Variants in CPPED1 observed in about 807,000 individuals in gnomAD.
CPPED1 encodes the protein serine/threonine-protein phosphatase CPPED1.
In CPPED1, 28 loss-of-function variants were observed where a neutral mutation model predicts 28.0. The observed-to-expected ratio is 1.00, with a 90% CI of 0.74 to 1.37. The LOEUF (loss-of-function observed/expected upper bound fraction) is 1.37. Among genes scored for constraint, CPPED1 ranks in the 40% most tolerant of loss-of-function variants. The pLI is 0.00. For missense variants in CPPED1, 504 were observed against 416.5 expected (o/e 1.21, Z -1.83); for synonymous variants, 198 against 180.2 (o/e 1.10, Z -0.79).
At chr16:12,757,008 G>T (rs923262764) in intron 2 of CPPED1, among the ~76,000 whole-genome samples, 7 of 150,328 alleles carry the variant, frequency 4.7e-5, no homozygotes. Context: ...TAGAATCAGG[G>T]TAAGTAAGGT....
chr16:12,666,465 C>T (rs969083845), intron 3 of CPPED1, among the ~76,000 whole-genome samples: 10 of 152,308 alleles, frequency 6.6e-5, no homozygotes, highest in African/African-American at 1.9e-4. Context: ...GGCTGAAGAA[C>T]GCTGCTGCTG....
chr16:12,734,418 C>T (rs998384629), intron 2 of CPPED1, among the ~76,000 whole-genome samples: 5 of 151,406 alleles, frequency 3.3e-5, no homozygotes, highest in South Asian at 2.1e-4. Flanking sequence ...TCGCTCTTGT[C>T]GCCCAGGCTG....
intron 3 of CPPED1, among the ~76,000 whole-genome samples, chr16:12,672,097 C>T (rs988394641): frequency 1.3e-5 from 2 of 152,210 alleles, no homozygotes; most frequent in Admixed American, 6.5e-5. Flanking sequence ...GTAGACTACA[C>T]CATCTAGGTT....
At chr16:12,668,978 T>C (rs1404248182) in intron 3 of CPPED1, among the ~76,000 whole-genome samples, 1 of 152,256 alleles carries the variant, frequency 6.6e-6, no homozygotes, top group Non-Finnish European at 1.5e-5. Flanking sequence ...CACTCCTAAG[T>C]ATGTATCTAG....
At chr16:12,757,388 T>G (rs2080377564) in intron 2 of CPPED1, 1 of 152,148 alleles carries the variant, frequency 6.6e-6, no homozygotes, top group South Asian at 2.1e-4. Flanking sequence ...AGGGTTTGCC[T>G]ACCAGAACTG....
At chr16:12,748,489 C>A (rs2080305654) in intron 2 of CPPED1, among the ~76,000 whole-genome samples, 1 of 152,144 alleles carries the variant, frequency 6.6e-6, no homozygotes, top group African/African-American at 2.4e-5. Flanking sequence ...AGATTCAGTT[C>A]CAGGCCACGA....
intron 3 of CPPED1, among the ~76,000 whole-genome samples, chr16:12,693,305 G>A (rs2079973000): frequency 6.6e-6 from 1 of 152,090 alleles, no homozygotes; most frequent in Non-Finnish European, 1.5e-5. Flanking sequence ...AGGCTCAGGC[G>A]ATCCTCCCAC....
At chr16:12,754,571 T>C (rs1404295569) in intron 2 of CPPED1, among the ~76,000 whole-genome samples, 1 of 152,242 alleles carries the variant, frequency 6.6e-6, no homozygotes, top group East Asian at 1.9e-4. Flanking sequence ...AGAGTCCCTC[T>C]AAGGTCCTCC....
chr16:12,717,047 G>A (rs760320062), intron 2 of CPPED1, among the ~76,000 whole-genome samples: 5 of 152,272 alleles, frequency 3.3e-5, no homozygotes, highest in Non-Finnish European at 5.9e-5. Context: ...CTGAACAGGG[G>A]GAAAGAAGGT....
intron 3 of CPPED1, among the ~76,000 whole-genome samples, chr16:12,692,975 C>G (rs143537205): frequency 1.3e-5 from 2 of 152,338 alleles, no homozygotes; most frequent in African/African-American, 4.8e-5. Context: ...GGACTTCCAA[C>G]TGCACACAGC....
chr16:12,671,565 G>A (rs1270759456), intron 3 of CPPED1, among the ~76,000 whole-genome samples: 2 of 152,218 alleles, frequency 1.3e-5, no homozygotes, highest in African/African-American at 2.4e-5. Flanking sequence ...AGATTCACCT[G>A]TGGGCAGGTG....
chr16:12,669,087 A>G (rs2079840806), intron 3 of CPPED1, among the ~76,000 whole-genome samples: 2 of 152,262 alleles, frequency 1.3e-5, no homozygotes, highest in African/African-American at 2.4e-5. Context: ...CTAAATGTCC[A>G]TCAGTTGATG....
At chr16:12,763,329 C>G (rs2080420972) in intron 2 of CPPED1, among the ~76,000 whole-genome samples, 1 of 152,024 alleles carries the variant, frequency 6.6e-6, no homozygotes, top group African/African-American at 2.4e-5. Context: ...CCTCAGCCTC[C>G]CAAAGTGCTG....
At chr16:12,774,110 C>A (rs1262015979) in intron 2 of CPPED1, among the ~76,000 whole-genome samples, 2 of 152,126 alleles carry the variant, frequency 1.3e-5, no homozygotes, top group Admixed American at 1.3e-4. Flanking sequence ...ACATCAGAAG[C>A]AGTTGAGGGA....
At chr16:12,679,585 A>T (rs2079894855) in intron 3 of CPPED1, among the ~76,000 whole-genome samples, 1 of 152,240 alleles carries the variant, frequency 6.6e-6, no homozygotes, top group Non-Finnish European at 1.5e-5. Flanking sequence ...TTTCACAAAA[A>T]TGGAATAGGC....
intron 2 of CPPED1, among the ~76,000 whole-genome samples, chr16:12,772,632 G>T (rs549044070): frequency 6.6e-6 from 1 of 152,286 alleles, no homozygotes; most frequent in Admixed American, 6.5e-5. Context: ...AGATGTCTGG[G>T]ACCCTTTTAA....
At chr16:12,723,855 G>C (rs1021355347) in intron 2 of CPPED1, among the ~76,000 whole-genome samples, 1 of 152,040 alleles carries the variant, frequency 6.6e-6, no homozygotes, top group African/African-American at 2.4e-5. Flanking sequence ...ACTGGTTTCT[G>C]CCCATGCCAC....
chr16:12,798,654 G>A (rs9933335), intron 1 of CPPED1, among the ~76,000 whole-genome samples: 2,115 of 152,258 alleles, frequency 0.014, 64 homozygotes, highest in African/African-American at 0.048. Flanking sequence ...CCAGTTCTCT[G>A]AAGGGAAAAT....
intron 2 of CPPED1, among the ~76,000 whole-genome samples, chr16:12,747,432 AAAATAAAT>A (rs55706541): frequency 0.078 from 11,352 of 145,102 alleles, 1,227 homozygotes; most frequent in African/African-American, 0.24. Context: ...CTCTGTTTTA[AAAATAAAT>A]AAATAAATAA....
Sources: allele counts gnomAD v4.1 joint callset (sites outside exome capture counted in the v4.1 genomes callset), GRCh38; gene constraint gnomAD v4.1.1; transcripts MANE v1.5; gene names NCBI Gene and HGNC (gene_info 2026-07-23, HGNC 2026-07-21).